NCKAP5: variants seen among roughly 807,000 people sequenced by gnomAD.
The protein encoded by NCKAP5 is nck-associated protein 5.
In NCKAP5, 92 loss-of-function variants were observed where a neutral mutation model predicts 167.0. That is an observed-to-expected ratio of 0.55 (90% CI 0.47 to 0.66). The LOEUF is 0.66. Ranked by LOEUF, NCKAP5 falls within the 30% of genes least tolerant of loss-of-function variation. NCKAP5 has a pLI of 0.00. For synonymous variants in NCKAP5, 891 were observed against 877.4 expected (o/e 1.02, Z -0.27); for missense variants, 2,378 against 2,315.0 (o/e 1.03, Z -0.56).
chr2:133,471,847 C>G (rs1417622092), intron 3 of NCKAP5, among the ~76,000 whole-genome samples: 1 of 152,218 alleles, frequency 6.6e-6, no homozygotes, highest in Non-Finnish European at 1.5e-5. Context: ...CAAGCCATCC[C>G]TACCTCACTT....
At chr2:132,908,490 T>C (rs1183294507) in intron 8 of NCKAP5, among the ~76,000 whole-genome samples, 5 of 152,220 alleles carry the variant, frequency 3.3e-5, no homozygotes, top group African/African-American at 1.2e-4. Flanking sequence ...CTATCGAATA[T>C]CCTCCGACTG....
At chr2:133,161,463 A>G (rs2149941734) in intron 5 of NCKAP5, among the ~76,000 whole-genome samples, 1 of 152,358 alleles carries the variant, frequency 6.6e-6, no homozygotes, top group Middle Eastern at 3.4e-3. Flanking sequence ...CCATAGAAAT[A>G]CACCTCTAGC....
intron 4 of NCKAP5, among the ~76,000 whole-genome samples, chr2:133,288,659 A>G (rs1679341654): frequency 6.6e-6 from 1 of 151,998 alleles, no homozygotes; most frequent in Non-Finnish European, 1.5e-5. Flanking sequence ...AAATCTTTTG[A>G]AAGTGGTCAC....
chr2:133,092,472 CA>C (rs568016055), intron 6 of NCKAP5, among the ~76,000 whole-genome samples: 25 of 152,302 alleles, frequency 1.6e-4, no homozygotes, highest in Middle Eastern at 3.4e-3. Flanking sequence ...CCTCCAAAAC[CA>C]TGCATAAATA....
chr2:132,950,736 A>G (rs1384112294), intron 8 of NCKAP5, among the ~76,000 whole-genome samples: 1 of 152,160 alleles, frequency 6.6e-6, no homozygotes, highest in African/African-American at 2.4e-5. Context: ...GTTGCTTCTC[A>G]TTTTAAGCTG....
chr2:133,243,997 A>G (rs1049004828), intron 4 of NCKAP5, among the ~76,000 whole-genome samples: 8 of 152,208 alleles, frequency 5.3e-5, no homozygotes, highest in Non-Finnish European at 1.2e-4. Flanking sequence ...CCTCAATAGG[A>G]AAATGGTAGA....
At chr2:132,758,214 A>G (rs536607996) in intron 16 of NCKAP5, among the ~76,000 whole-genome samples, 1 of 152,144 alleles carries the variant, frequency 6.6e-6, no homozygotes, top group South Asian at 2.1e-4. Context: ...GGGCAAATGA[A>G]CCCTATTTGG....
chr2:133,142,158 T>C (rs2083024214), intron 5 of NCKAP5, among the ~76,000 whole-genome samples: 1 of 152,110 alleles, frequency 6.6e-6, no homozygotes, highest in Non-Finnish European at 1.5e-5. Flanking sequence ...GGGGAAAACA[T>C]ATACTCTTAA....
chr2:132,733,868 G>A (rs1484355224), intron 16 of NCKAP5, among the ~76,000 whole-genome samples: 1 of 152,172 alleles, frequency 6.6e-6, no homozygotes, highest in African/African-American at 2.4e-5. Context: ...TTGGTGCTTG[G>A]TATTGGAAGT....
chr2:133,511,138 C>T (rs1683454039), intron 3 of NCKAP5, among the ~76,000 whole-genome samples: 2 of 152,184 alleles, frequency 1.3e-5, no homozygotes, highest in African/African-American at 4.8e-5. Flanking sequence ...TGCTCTATGT[C>T]CACTGCTTGG....
intron 4 of NCKAP5, among the ~76,000 whole-genome samples, chr2:133,274,102 A>C (rs1288446875): frequency 6.6e-6 from 1 of 151,908 alleles, no homozygotes. Context: ...GTCTTAGAGC[A>C]GTTATTATTT....
chr2:133,219,827 T>C (rs1324792202), intron 4 of NCKAP5, among the ~76,000 whole-genome samples: 1 of 152,214 alleles, frequency 6.6e-6, no homozygotes, highest in African/African-American at 2.4e-5. Flanking sequence ...ACTTCTATGA[T>C]AAAATACTCA....
chr2:133,201,767 T>C (rs966061137), intron 5 of NCKAP5, among the ~76,000 whole-genome samples: 1 of 152,114 alleles, frequency 6.6e-6, no homozygotes, highest in Non-Finnish European at 1.5e-5. Flanking sequence ...CTTCTCCGCC[T>C]CATTTCAAAA....
chr2:133,071,160 C>T (rs1383087179), intron 6 of NCKAP5, among the ~76,000 whole-genome samples: 1 of 152,148 alleles, frequency 6.6e-6, no homozygotes, highest in Non-Finnish European at 1.5e-5. Flanking sequence ...TCACAGGGAA[C>T]AACAGAAAAG....
chr2:133,001,695 T>C (rs1231631932), intron 6 of NCKAP5, among the ~76,000 whole-genome samples: 4 of 152,130 alleles, frequency 2.6e-5, no homozygotes, highest in African/African-American at 9.7e-5. Flanking sequence ...ACCCTGGCAT[T>C]TACTTGGCTG....
chr2:132,951,007 G>A (rs1429930924), intron 8 of NCKAP5, among the ~76,000 whole-genome samples: 1 of 152,174 alleles, frequency 6.6e-6, no homozygotes, highest in Non-Finnish European at 1.5e-5. Flanking sequence ...AAAGGTAAGG[G>A]AAAAGACTCT....
intron 6 of NCKAP5, among the ~76,000 whole-genome samples, chr2:133,000,454 C>A (rs1366038587): frequency 6.6e-6 from 1 of 152,178 alleles, no homozygotes; most frequent in South Asian, 2.1e-4. Context: ...AGAGGACCAG[C>A]ATACTTCCCA....
chr2:132,767,733 G>A (rs1295548837), intron 16 of NCKAP5, among the ~76,000 whole-genome samples: 1 of 152,200 alleles, frequency 6.6e-6, no homozygotes, highest in African/African-American at 2.4e-5. Context: ...GAAATATACT[G>A]GTTTATGGTG....
At chr2:132,926,135 G>T (rs1402003758) in intron 8 of NCKAP5, 2 of 344,548 alleles carry the variant, frequency 5.8e-6, no homozygotes, top group South Asian at 5.1e-5. Flanking sequence ...AGAAATTGTG[G>T]TATTCGACGT....
Sources: allele counts gnomAD v4.1 joint callset (sites outside exome capture counted in the v4.1 genomes callset), GRCh38; gene constraint gnomAD v4.1.1; transcripts MANE v1.5; gene names NCBI Gene and HGNC (gene_info 2026-07-23, HGNC 2026-07-21).